CNTNAP2: variants seen among roughly 807,000 people sequenced by gnomAD.
The protein encoded by CNTNAP2 is contactin associated protein 2, also known as contactin-associated protein-like 2.
In CNTNAP2, 98 loss-of-function variants were observed where a neutral mutation model predicts 155.2. The ratio of observed to expected loss-of-function variants is 0.63; its 90% CI spans 0.54 to 0.75. The LOEUF (loss-of-function observed/expected upper bound fraction) is 0.75, where lower values mean the gene tolerates loss of function less well. CNTNAP2 is among the 30% of genes least tolerant of loss of function. The pLI is 0.00. For missense variants in CNTNAP2, 1,727 were observed against 1,688.1 expected (o/e 1.02, Z -0.40); for synonymous variants, 651 against 631.2 (o/e 1.03, Z -0.47).
At chr7:147,222,714 T>C (rs1318259539) in intron 8 of CNTNAP2, among the ~76,000 whole-genome samples, 1 of 151,964 alleles carries the variant, frequency 6.6e-6, no homozygotes, top group Non-Finnish European at 1.5e-5. Context: ...TGGTAAGGTA[T>C]ATGGGGAGGG....
intron 1 of CNTNAP2, among the ~76,000 whole-genome samples, chr7:146,510,426 C>A (rs1038096349): frequency 6.6e-6 from 1 of 152,088 alleles, no homozygotes; most frequent in Non-Finnish European, 1.5e-5. Context: ...TGTGATGTTT[C>A]CAGCTTTGCC....
intron 10 of CNTNAP2, among the ~76,000 whole-genome samples, chr7:147,414,974 A>C (rs997939462): frequency 1.3e-5 from 2 of 150,634 alleles, no homozygotes; most frequent in Non-Finnish European, 3.0e-5. Context: ...GAAAAGAAAA[A>C]AAAGAAATGG....
intron 2 of CNTNAP2, among the ~76,000 whole-genome samples, chr7:146,830,210 T>TG (rs554222046): frequency 3.3e-4 from 50 of 152,236 alleles, no homozygotes; most frequent in South Asian, 2.3e-3. Context: ...AGATGCTGTA[T>TG]GTTCTCTTCC....
chr7:146,417,808 T>C (rs181488379), intron 1 of CNTNAP2, among the ~76,000 whole-genome samples: 35 of 152,298 alleles, frequency 2.3e-4, no homozygotes, highest in African/African-American at 7.9e-4. Context: ...ATTAATTAGG[T>C]ACCAGGCTAT....
At chr7:146,278,490 A>G (rs1314997485) in intron 1 of CNTNAP2, among the ~76,000 whole-genome samples, 2 of 152,214 alleles carry the variant, frequency 1.3e-5, no homozygotes, top group African/African-American at 2.4e-5. Context: ...GTAATGTTCT[A>G]TCAGACTCCC....
chr7:147,753,166 T>C (rs990255390), intron 13 of CNTNAP2, among the ~76,000 whole-genome samples: 3 of 152,234 alleles, frequency 2.0e-5, no homozygotes, highest in Non-Finnish European at 2.9e-5. Context: ...TATTTTGAAC[T>C]GAATGTAAAG....
intron 13 of CNTNAP2, among the ~76,000 whole-genome samples, chr7:147,816,423 A>G (rs1372470053): frequency 6.7e-6 from 1 of 149,546 alleles, no homozygotes; most frequent in East Asian, 1.9e-4. Context: ...TTTTTCATGT[A>G]TTCTGATATG....
At chr7:147,471,236 A>C (rs1053608602) in intron 10 of CNTNAP2, among the ~76,000 whole-genome samples, 2 of 152,216 alleles carry the variant, frequency 1.3e-5, no homozygotes, top group Non-Finnish European at 2.9e-5. Context: ...GCACTCTTGC[A>C]TACAAAGTTT....
At chr7:148,115,926 G>A (rs1249816504) in intron 15 of CNTNAP2, among the ~76,000 whole-genome samples, 1 of 151,984 alleles carries the variant, frequency 6.6e-6, no homozygotes, top group Non-Finnish European at 1.5e-5. Flanking sequence ...ATCACTTGAG[G>A]TCAGGAGTTC....
chr7:147,764,011 CTG>C (rs569441746), intron 13 of CNTNAP2, among the ~76,000 whole-genome samples: 108 of 152,328 alleles, frequency 7.1e-4, no homozygotes, highest in Non-Finnish European at 1.3e-3. Flanking sequence ...CACCCTGACA[CTG>C]TGATTTCTGG....
intron 13 of CNTNAP2, among the ~76,000 whole-genome samples, chr7:147,729,908 A>T (rs1796710841): frequency 6.6e-6 from 1 of 152,144 alleles, no homozygotes; most frequent in African/African-American, 2.4e-5. Flanking sequence ...TGTATGCTGC[A>T]AATGGAATTC....
intron 1 of CNTNAP2, among the ~76,000 whole-genome samples, chr7:146,289,264 G>T (rs1259995207): frequency 6.6e-6 from 1 of 152,088 alleles, no homozygotes; most frequent in African/African-American, 2.4e-5. Context: ...AGTTAAGAAG[G>T]CATATTTTAT....
chr7:146,956,486 T>C (rs1336606056), intron 3 of CNTNAP2, among the ~76,000 whole-genome samples: 2 of 152,198 alleles, frequency 1.3e-5, no homozygotes, highest in Non-Finnish European at 2.9e-5. Flanking sequence ...GGGTTTCAGC[T>C]GGGCTTACAG....
At chr7:147,150,639 T>G (rs1801806392) in intron 8 of CNTNAP2, among the ~76,000 whole-genome samples, 1 of 152,260 alleles carries the variant, frequency 6.6e-6, no homozygotes, top group Admixed American at 6.5e-5. Context: ...AAACCTAGGC[T>G]AATGCTCTTT....
intron 1 of CNTNAP2, among the ~76,000 whole-genome samples, chr7:146,314,789 T>C (rs1042651855): frequency 4.6e-5 from 7 of 152,102 alleles, no homozygotes; most frequent in Non-Finnish European, 1.0e-4. Context: ...GTGCCCACAG[T>C]CCTGCTTGAG....
intron 1 of CNTNAP2, among the ~76,000 whole-genome samples, chr7:146,711,521 T>C (rs1801072317): frequency 6.7e-6 from 1 of 149,080 alleles, no homozygotes; most frequent in Non-Finnish European, 1.5e-5. Context: ...CTGGAACAGC[T>C]TAGACATAAC....
chr7:147,562,281 T>C, intron 12 of CNTNAP2, 24 bp downstream of exon 12: 1 of 1,613,394 alleles, frequency 6.2e-7, no homozygotes, highest in Non-Finnish European at 8.5e-7. Flanking sequence ...ATTTATGTTT[T>C]ATGAAGATGC....
chr7:148,241,286 C>T (rs1003038784), intron 20 of CNTNAP2, among the ~76,000 whole-genome samples: 4 of 152,166 alleles, frequency 2.6e-5, no homozygotes, highest in African/African-American at 9.7e-5. Flanking sequence ...TTCCCAATTC[C>T]CTTCTCTTTC....
At chr7:147,697,211 A>G (rs896609498) in intron 13 of CNTNAP2, among the ~76,000 whole-genome samples, 7 of 152,116 alleles carry the variant, frequency 4.6e-5, no homozygotes, top group African/African-American at 1.4e-4. Flanking sequence ...TTTATTCCTT[A>G]GCATTTCTTT....
Sources: gnomAD v4.1 joint callset for allele counts (sites outside exome capture counted in the v4.1 genomes callset) on GRCh38, gnomAD v4.1.1 for gene constraint, MANE v1.5 for transcripts, NCBI Gene and HGNC (gene_info 2026-07-23, HGNC 2026-07-21) for gene names.